PLXDC2: variants seen among roughly 807,000 people sequenced by gnomAD.
PLXDC2 encodes the protein plexin domain containing 2.
A neutral mutation model predicts 68.9 loss-of-function variants in PLXDC2; 40 were observed. That is an observed-to-expected ratio of 0.58 (90% CI 0.45 to 0.76). The LOEUF (loss-of-function observed/expected upper bound fraction) is 0.76, where lower values mean the gene tolerates loss of function less well. Among genes scored for constraint, PLXDC2 ranks in the 30% least tolerant of loss-of-function variants. The probability of loss-of-function intolerance (pLI) is 0.00; values close to 1 mark genes in which losing one functional copy is unlikely to be tolerated. For missense variants in PLXDC2, 644 were observed against 661.9 expected, an observed-to-expected ratio of 0.97 and a Z score of 0.30; for synonymous variants, 243 against 234.2, an observed-to-expected ratio of 1.04 and a Z score of -0.34.
At chr10:19,905,628 T>C (rs901792547) in intron 1 of PLXDC2, among the ~76,000 whole-genome samples, 2 of 152,172 alleles carry the variant, frequency 1.3e-5, no homozygotes, top group Non-Finnish European at 2.9e-5. Context: ...GCTTTTCTAA[T>C]TCAACCAGTC....
intron 4 of PLXDC2, among the ~76,000 whole-genome samples, chr10:20,094,019 C>T (rs186107288): frequency 8.1e-4 from 124 of 152,310 alleles, no homozygotes; most frequent in African/African-American, 2.8e-3. Context: ...TAGCAGCTTA[C>T]TCTTCTTACT....
At chr10:19,876,455 A>C (rs1837633194) in intron 1 of PLXDC2, among the ~76,000 whole-genome samples, 1 of 152,110 alleles carries the variant, frequency 6.6e-6, no homozygotes, top group African/African-American at 2.4e-5. Context: ...CAAAGCAATT[A>C]GCCGGGCGTG....
chr10:20,037,039 C>T (rs572616978), intron 2 of PLXDC2, among the ~76,000 whole-genome samples: 2 of 152,120 alleles, frequency 1.3e-5, no homozygotes, highest in African/African-American at 2.4e-5. Context: ...TTTCTGTTTG[C>T]CTTTTGGCCA....
At chr10:19,970,637 A>G (rs1403935270) in intron 1 of PLXDC2, among the ~76,000 whole-genome samples, 8 of 152,164 alleles carry the variant, frequency 5.3e-5, no homozygotes, top group East Asian at 1.9e-4. Flanking sequence ...GCATTTTCCT[A>G]TTGATGTCAT....
chr10:20,109,261 T>C (rs1233697874), intron 4 of PLXDC2, among the ~76,000 whole-genome samples: 1 of 152,260 alleles, frequency 6.6e-6, no homozygotes, highest in Non-Finnish European at 1.5e-5. Context: ...GCAGTAGCTG[T>C]TGAGTTGCAC....
chr10:20,117,006 C>T (rs937998687), intron 4 of PLXDC2, among the ~76,000 whole-genome samples: 1 of 150,988 alleles, frequency 6.6e-6, no homozygotes, highest in African/African-American at 2.4e-5. Flanking sequence ...AATATATTCT[C>T]ATTTTCAGAC....
intron 1 of PLXDC2, among the ~76,000 whole-genome samples, chr10:19,853,491 A>G (rs1377029028): frequency 6.6e-6 from 1 of 151,976 alleles, no homozygotes; most frequent in Non-Finnish European, 1.5e-5. Flanking sequence ...CCTGGTCTCA[A>G]GGGATCTGCC....
intron 1 of PLXDC2, among the ~76,000 whole-genome samples, chr10:19,878,965 T>C (rs1242821806): frequency 1.3e-5 from 2 of 152,226 alleles, no homozygotes; most frequent in East Asian, 3.9e-4. Flanking sequence ...AGGTATAGAA[T>C]ATTTCCTTTT....
intron 4 of PLXDC2, among the ~76,000 whole-genome samples, chr10:20,113,153 C>T (rs1694827266): frequency 6.6e-6 from 1 of 152,158 alleles, no homozygotes; most frequent in Admixed American, 6.5e-5. Context: ...AGTGCAACGG[C>T]TTAATGCAAA....
At chr10:20,062,846 C>A (rs1280652078) in intron 3 of PLXDC2, among the ~76,000 whole-genome samples, 2 of 151,732 alleles carry the variant, frequency 1.3e-5, no homozygotes, top group East Asian at 3.9e-4. Flanking sequence ...GTAAATCTTA[C>A]CAGAAATAAG....
intron 1 of PLXDC2, among the ~76,000 whole-genome samples, chr10:19,938,658 A>G (rs915148790): frequency 6.6e-6 from 1 of 152,166 alleles, no homozygotes; most frequent in African/African-American, 2.4e-5. Flanking sequence ...ATTTGACTTG[A>G]GATTTGGGCA....
At chr10:20,119,568 A>G (rs12414541) in intron 4 of PLXDC2, among the ~76,000 whole-genome samples, 17,886 of 127,734 alleles carry the variant, frequency 0.14, 2,100 homozygotes, top group East Asian at 0.36. Context: ...GGTCACAGGG[A>G]ATATGATGGC....
Position 19,847,690 on chromosome 10 carries a change from A to G in PLXDC2, c.112+30499A>G, listed in dbSNP as rs1025110175. Among the ~76,000 whole-genome samples the G allele has an allele frequency of 2.6e-5, 4 of 152,144 alleles. No individual in the cohort carries two copies. In the East Asian group the frequency reaches 7.7e-4, roughly 29 times the overall value. ...CCCAACCTCAATGTATTTCAGCCCA[A>G]TACTTGTCATAGCTAACATACATTC... On this transcript the variant is annotated intron_variant, in intron 1 of 13. Coordinates refer to ENST00000377252, the MANE Select transcript of PLXDC2 (RefSeq NM_032812.9).
chr10:19,946,714 GTCCCATCGGTGGGTGA>G (rs1037139943), intron 1 of PLXDC2, among the ~76,000 whole-genome samples: 2 of 152,016 alleles, frequency 1.3e-5, no homozygotes, highest in African/African-American at 4.8e-5. Context: ...CAACTAGACA[GTCCCATCGGTGGGTGA>G]TGGGAGACAG....
At chr10:19,929,880 G>T (rs1031869500) in intron 1 of PLXDC2, among the ~76,000 whole-genome samples, 3 of 152,136 alleles carry the variant, frequency 2.0e-5, no homozygotes, top group Admixed American at 1.3e-4. Context: ...CACTTTGTAG[G>T]TGGAACTGTG....
intron 1 of PLXDC2, among the ~76,000 whole-genome samples, chr10:19,910,010 T>C (rs1282009673): frequency 6.6e-6 from 1 of 152,102 alleles, no homozygotes; most frequent in African/African-American, 2.4e-5. Context: ...CAAAAATCCG[T>C]GTTTTGCCTG....
In PLXDC2 at chr10:19,816,546, CGGGA is replaced by C. The variant is rs1564597138; in HGVS notation, c.-530_-527del. ...GGCGAAGAAAAGAAGCAAAACTTGTCGGGAGGGTTTCGTCATCAACCTCCTTCCC... is the reference window on the plus strand; with the variant it reads ...GGCGAAGAAAAGAAGCAAAACTTGTCGGGTTTCGTCATCAACCTCCTTCCC... On this transcript the variant is annotated 5_prime_UTR_variant, in exon 1 of 14. Transcript: ENST00000377252. 6.4e-6 allele frequency: 1 copy of C among 155,632 alleles called. No homozygotes were observed. The highest frequency in any genetic ancestry group is 1.4e-5 in the Non-Finnish European group (1 of 70,052). The allele number at this position is 155,632 out of a possible 1,614,324, so 9.6% of individuals were successfully genotyped here.
chr10:20,088,810 A>G lies in PLXDC2; in HGVS notation c.541+20571A>G, dbSNP rs543640692. Among the ~76,000 whole-genome samples, 56 of 152,376 alleles carry G rather than the reference A, an allele frequency of 3.7e-4. 1 individual carries two copies. The South Asian group carries it at 0.01, about 28-fold the overall frequency. ...ATATTATACTTTAAGTGCCTAGAGC[A>G]GTCCTTAGCAAATGCTAAACACTCA... On this transcript the variant is annotated intron_variant, in intron 4 of 13. Coordinates refer to ENST00000377252, the MANE Select transcript of PLXDC2 (RefSeq NM_032812.9).
At chr10:20,021,917 T>A (rs1835317438) in intron 2 of PLXDC2, among the ~76,000 whole-genome samples, 1 of 152,116 alleles carries the variant, frequency 6.6e-6, no homozygotes, top group South Asian at 2.1e-4. Flanking sequence ...CAGGCTGGTC[T>A]CGAACTCCTG....
Sources: gnomAD v4.1 joint callset for allele counts (sites outside exome capture counted in the v4.1 genomes callset) on GRCh38, gnomAD v4.1.1 for gene constraint, MANE v1.5 for transcripts, NCBI Gene and HGNC (gene_info 2026-07-23, HGNC 2026-07-21) for gene names.